PPP6R3: variants seen among roughly 807,000 people sequenced by gnomAD.
PPP6R3 encodes the protein serine/threonine-protein phosphatase 6 regulatory subunit 3.
A neutral mutation model predicts 110.7 loss-of-function variants in PPP6R3; 38 were observed. That is an observed-to-expected ratio of 0.34 (90% CI 0.26 to 0.45). PPP6R3 has a LOEUF of 0.45. Ranked by LOEUF, PPP6R3 falls within the 20% of genes least tolerant of loss-of-function variation. PPP6R3 has a pLI of 1.00. For missense variants in PPP6R3, 870 were observed against 1,062.4 expected (o/e 0.82, Z 2.52); for synonymous variants, 369 against 373.5 (o/e 0.99, Z 0.14).
chr11:68,600,229 T>A (rs2099627517), intron 19 of PPP6R3, 112 bp from the exon 20 acceptor site: 2 of 1,225,496 alleles, frequency 1.6e-6, no homozygotes, highest in South Asian at 1.2e-5. Flanking sequence ...TTGGTGAGAG[T>A]GTCTTTCTCC....
At chr11:68,530,765 C>T (rs2153617225) in intron 2 of PPP6R3, among the ~76,000 whole-genome samples, 1 of 152,198 alleles carries the variant, frequency 6.6e-6, no homozygotes, top group East Asian at 1.9e-4. Flanking sequence ...GAACATTTTG[C>T]TCTGGGCCCA....
At chr11:68,609,691 T>A in intron 22 of PPP6R3, 1 of 1,578,694 alleles carries the variant, frequency 6.3e-7, no homozygotes, top group East Asian at 2.3e-5. Context: ...TGTCCCTGTT[T>A]TGGTTCCCAC....
At chr11:68,582,671 T>C (rs1041814045) in intron 14 of PPP6R3, among the ~76,000 whole-genome samples, 1 of 152,282 alleles carries the variant, frequency 6.6e-6, no homozygotes, top group African/African-American at 2.4e-5. Context: ...GCAGGCCCCG[T>C]ACATAGAAAG....
intron 1 of PPP6R3, among the ~76,000 whole-genome samples, chr11:68,518,951 T>C (rs1441571660): frequency 6.6e-6 from 1 of 152,192 alleles, no homozygotes; most frequent in Non-Finnish European, 1.5e-5. Flanking sequence ...ATATATGAAG[T>C]GCATACCTTG....
intron 1 of PPP6R3, among the ~76,000 whole-genome samples, chr11:68,462,853 A>G (rs985204703): frequency 6.6e-6 from 1 of 152,140 alleles, no homozygotes; most frequent in Non-Finnish European, 1.5e-5. Context: ...GTTTTGATGG[A>G]CTCAGTCTTA....
intron 1 of PPP6R3, among the ~76,000 whole-genome samples, chr11:68,483,865 TC>T (rs1398686076): frequency 5.3e-5 from 8 of 152,226 alleles, no homozygotes; most frequent in African/African-American, 1.9e-4. Flanking sequence ...GCCCTACAGA[TC>T]CTCTGTGCCT....
At chr11:68,520,748 C>G (rs2099160068) in intron 2 of PPP6R3, among the ~76,000 whole-genome samples, 2 of 152,052 alleles carry the variant, frequency 1.3e-5, no homozygotes, top group South Asian at 4.1e-4. Context: ...CCCTTGTGGC[C>G]CCTTGTCTCA....
intron 1 of PPP6R3, among the ~76,000 whole-genome samples, chr11:68,466,388 G>A (rs2098745351): frequency 6.6e-6 from 1 of 151,066 alleles, no homozygotes; most frequent in Non-Finnish European, 1.5e-5. Flanking sequence ...GCATTTGACA[G>A]TATGTGGAAA....
At chr11:68,501,107 C>A (rs1430229357) in intron 1 of PPP6R3, among the ~76,000 whole-genome samples, 1 of 152,166 alleles carries the variant, frequency 6.6e-6, no homozygotes, top group African/African-American at 2.4e-5. Context: ...TTGTTTTCTC[C>A]TCGTGCTGTC....
chr11:68,548,066 GA>G lies in PPP6R3; in HGVS notation c.415del (p.Ile139LeufsTer5). On this transcript the variant is annotated frameshift_variant and splice_region_variant, in exon 5 of 24. Coordinates refer to ENST00000393800, the MANE Select transcript of PPP6R3 (RefSeq NM_001164161.2). LOFTEE classifies it high-confidence loss of function. ...SILISRKPEQ[I>X]VDFLKKKHDF... The stretch of plus-strand genomic sequence containing the variant: ...TCAGTTTCTGATCTGTTCTTCTCTA[GA>G]TTGTGGATTTCTTAAAGAAGAAGCA... The G allele has an allele frequency of 6.2e-7, 1 of 1,613,034 alleles. No homozygotes were observed. Among genetic ancestry groups the G allele is most frequent in the Non-Finnish European group, 8.5e-7 (1 of 1,179,226 alleles).
rs531989693 is a variant in PPP6R3, at chr11:68,512,160, A to G, written c.-157-7341A>G. Among the ~76,000 whole-genome samples, 8 of 152,316 alleles carry G rather than the reference A, an allele frequency of 5.3e-5. No individual in the cohort carries two copies. In the South Asian group the frequency reaches 6.2e-4, roughly 12 times the overall value. On this transcript the variant is annotated intron_variant, in intron 1 of 23. Transcript: ENST00000393800. The stretch of plus-strand genomic sequence containing the variant: ...TTGGATTGGAAATAGTTTTCCTTCT[A>G]TATTAGTCTGCTCAGGGTTGCCATA...
intron 18 of PPP6R3, among the ~76,000 whole-genome samples, chr11:68,594,810 A>G (rs2099608457): frequency 1.3e-5 from 2 of 152,228 alleles, no homozygotes; most frequent in Non-Finnish European, 2.9e-5. Context: ...TTGGAGGACA[A>G]ACACTACCTT....
intron 1 of PPP6R3, among the ~76,000 whole-genome samples, chr11:68,461,661 C>T (rs2098708885): frequency 6.6e-6 from 1 of 152,046 alleles, no homozygotes; most frequent in Admixed American, 6.5e-5. Flanking sequence ...TACCTCCGTG[C>T]CCTGACGTTT....
rs1041929718 is a variant in PPP6R3 at position 68,564,524 on chromosome 11, G to T, written c.975+92G>T. The T allele has an allele frequency of 3.6e-6, 5 of 1,393,964 alleles. No homozygotes were observed. The African/African-American group carries it at 7.2e-5, about 20-fold the overall frequency. 86.3% of individuals were successfully genotyped at this position (1,393,964 alleles called of 1,614,324 possible). On this transcript the variant is annotated intron_variant, in intron 9 of 23. Transcript: ENST00000393800. ...TACGGGCCTTAGGAGTGGCAGAACT[G>T]GCTGTGGTCTGCATGTACAAAATGA...
At position 68,537,860 on chromosome 11, in the gene PPP6R3, C is replaced by T; in HGVS notation, c.196C>T (p.Pro66Ser). 6.2e-7 allele frequency: 1 copy of T among 1,612,612 alleles called. No individual in the cohort carries two copies. The highest frequency in any genetic ancestry group is 1.1e-5 in the South Asian group (1 of 91,012). Residue 66 changes from proline to serine, a missense_variant, in exon 3 of 24, where the codon CCT becomes TCT. Coordinates refer to ENST00000393800, the MANE Select transcript of PPP6R3 (RefSeq NM_001164161.2). ...AGTCTCATTCATTATAGAAGAACCA[C>T]CTCAAGACATGGATGAAAAGATCAG... ...DLVSFIIEEPPQDMDEKIRYK... is the reference protein window; with the variant it reads ...DLVSFIIEEPSQDMDEKIRYK...
At chr11:68,472,363 T>G (rs1048974690) in intron 1 of PPP6R3, among the ~76,000 whole-genome samples, 1 of 152,174 alleles carries the variant, frequency 6.6e-6, no homozygotes, top group African/African-American at 2.4e-5. Flanking sequence ...CATTGGAGAA[T>G]ATAAGTGTTT....
rs67739319 is a variant in PPP6R3, at chr11:68,506,414, C to CAAAAAAAAAAAAAAAAAAAAAAAAAAAA, written c.-157-13080_-157-13053dup. ...ACTGCTGCACCCAGCCCTTTATACT[C>CAAAAAAAAAAAAAAAAAAAAAAAAAAAA]AAAAAAAAAAAAAAAAAAAAAAAAA... On this transcript the variant is annotated intron_variant, in intron 1 of 23. Transcript: ENST00000393800. Among the ~76,000 whole-genome samples the CAAAAAAAAAAAAAAAAAAAAAAAAAAAA allele has an allele frequency of 1.3e-4, 6 of 46,072 alleles. 1 individual carries two copies. The highest frequency in any genetic ancestry group is 2.1e-4 in the Non-Finnish European group (5 of 23,482). 30.2% of individuals were successfully genotyped at this position (46,072 alleles called of 152,430 possible). A position where few individuals can be genotyped will look rare whatever the true frequency, so the allele number is the denominator to read the frequency against.
intron 1 of PPP6R3, among the ~76,000 whole-genome samples, chr11:68,511,295 G>T (rs1413572293): frequency 6.6e-6 from 1 of 151,960 alleles, no homozygotes; most frequent in Non-Finnish European, 1.5e-5. Flanking sequence ...TCAAACTCCT[G>T]ACCTTGTGAT....
chr11:68,576,202 T>G (rs1048991586), intron 14 of PPP6R3, among the ~76,000 whole-genome samples, 159 bp downstream of exon 14: 1 of 152,158 alleles, frequency 6.6e-6, no homozygotes, highest in African/African-American at 2.4e-5. Context: ...TTCACAATAT[T>G]CTTGCCCATT....
Sources: allele counts gnomAD v4.1 joint callset (sites outside exome capture counted in the v4.1 genomes callset), GRCh38; gene constraint gnomAD v4.1.1; transcripts MANE v1.5; gene names NCBI Gene and HGNC (gene_info 2026-07-23, HGNC 2026-07-21).